ATG4A: variants seen among roughly 807,000 people sequenced by gnomAD.
The protein encoded by ATG4A is autophagy related 4A cysteine peptidase.
In ATG4A, 22 loss-of-function variants were observed where a neutral mutation model predicts 38.4. The observed-to-expected ratio is 0.57, with a 90% CI of 0.41 to 0.82. The LOEUF (loss-of-function observed/expected upper bound fraction) is 0.82. Among genes scored for constraint, ATG4A ranks in the 40% least tolerant of loss-of-function variants. The pLI, the probability that ATG4A is intolerant of heterozygous loss-of-function variation, is 0.00. For missense variants in ATG4A, 220 were observed against 290.0 expected (o/e 0.76, Z 1.75); for synonymous variants, 86 against 100.7 (o/e 0.85, Z 0.88).
chrX:108,147,249 G>A (rs2148027079), intron 9 of ATG4A, among the ~76,000 whole-genome samples: 1 of 111,631 alleles, frequency 9.0e-6, no homozygotes, highest in African/African-American at 3.3e-5. Context: ...TCAGTCAAAG[G>A]TGGAAAGGCT....
chrX:108,133,822 T>C (rs2033026561), intron 4 of ATG4A, among the ~76,000 whole-genome samples: 1 of 112,142 alleles, frequency 8.9e-6, no homozygotes, highest in Non-Finnish European at 1.9e-5. Context: ...GTCAGTTCCT[T>C]GGTCAACTTT....
In ATG4A at chrX:108,103,549, G is replaced by T. The variant is rs571909531; in HGVS notation, c.10+11713G>T. 2.2e-4 allele frequency among the ~76,000 whole-genome samples: 24 copies of T among 111,309 alleles called. No individual in the cohort carries two copies. In the South Asian group the frequency reaches 8.7e-3, roughly 40 times the overall value. On this transcript the variant is annotated intron_variant, in intron 1 of 12. Coordinates refer to ENST00000372232, the MANE Select transcript of ATG4A (RefSeq NM_052936.5). Reference sequence around the variant, plus strand: ...TTGTTTTCTGTCTTGTAGCTTTTTTGTCCTTCCTTTTCTTTCTTTCTCTTT... The same window carrying T: ...TTGTTTTCTGTCTTGTAGCTTTTTTTTCCTTCCTTTTCTTTCTTTCTCTTT...
chrX:108,140,835 A>G (rs959031549), intron 9 of ATG4A, among the ~76,000 whole-genome samples: 1 of 97,959 alleles, frequency 1.0e-5, no homozygotes, highest in African/African-American at 3.7e-5. Context: ...TTACATATAC[A>G]TACACAAAGT....
intron 1 of ATG4A, among the ~76,000 whole-genome samples, chrX:108,121,699 C>A (rs989959182): frequency 8.9e-6 from 1 of 111,819 alleles, no homozygotes; most frequent in African/African-American, 3.3e-5. Flanking sequence ...CCTTTTCTTT[C>A]CCTGTCTTCC....
chrX:108,122,337 A>AT (rs1422717213), intron 1 of ATG4A, among the ~76,000 whole-genome samples: 3 of 112,304 alleles, frequency 2.7e-5, no homozygotes, highest in Non-Finnish European at 5.6e-5. Context: ...TCTCTCCATA[A>AT]TAGCAATGAA....
intron 6 of ATG4A, among the ~76,000 whole-genome samples, chrX:108,135,589 C>T (rs1452940708): frequency 9.0e-6 from 1 of 111,466 alleles, no homozygotes; most frequent in Admixed American, 9.5e-5. Flanking sequence ...TTCTGGGCAT[C>T]GCTGACTCTG....
At chrX:108,122,613 A>G (rs1189645161) in intron 1 of ATG4A, among the ~76,000 whole-genome samples, 1 of 111,810 alleles carries the variant, frequency 8.9e-6, no homozygotes, top group Admixed American at 9.5e-5. Context: ...TCATTTCTAG[A>G]GAATTGTCAT....
At position 108,111,890 on chromosome X, in the gene ATG4A, TG is replaced by T. The variant is rs757298255; in HGVS notation, c.11-14185del. 7.0e-4 allele frequency among the ~76,000 whole-genome samples: 79 copies of T among 112,105 alleles called. 1 individual carries two copies. The South Asian group carries it at 0.029, about 41-fold the overall frequency. On this transcript the variant is annotated intron_variant, in intron 1 of 12. Coordinates refer to ENST00000372232, the MANE Select transcript of ATG4A (RefSeq NM_052936.5). Reference sequence around the variant, plus strand: ...CATGGTCTTGCTTTGTTGCTCAGACTGGTCTCAAACTCCTGGCCTCAAGCAG... The same window carrying T: ...CATGGTCTTGCTTTGTTGCTCAGACTGTCTCAAACTCCTGGCCTCAAGCAG...
At chrX:108,098,447 T>C (rs1370217684) in intron 1 of ATG4A, among the ~76,000 whole-genome samples, 1 of 111,895 alleles carries the variant, frequency 8.9e-6, no homozygotes, top group Non-Finnish European at 1.9e-5. Context: ...ATAATCTTCA[T>C]CTGAGTTACT....
At chrX:108,109,772 A>G (rs1160339873) in intron 1 of ATG4A, among the ~76,000 whole-genome samples, 3 of 111,908 alleles carry the variant, frequency 2.7e-5, no homozygotes. Flanking sequence ...CCTGTTGAAG[A>G]TCATTTGAAT....
At chrX:108,105,778 C>T (rs901907402) in intron 1 of ATG4A, among the ~76,000 whole-genome samples, 1 of 111,285 alleles carries the variant, frequency 9.0e-6, no homozygotes, top group Non-Finnish European at 1.9e-5. Context: ...TTGAGCAGCC[C>T]TCCAAAAACA....
intron 1 of ATG4A, among the ~76,000 whole-genome samples, chrX:108,102,023 A>G (rs771281226): frequency 8.6e-4 from 96 of 111,530 alleles, no homozygotes; most frequent in African/African-American, 2.9e-3. Context: ...TAATACTGCA[A>G]TGAACATAGG....
intron 1 of ATG4A, among the ~76,000 whole-genome samples, chrX:108,099,594 C>T (rs1393367093): frequency 9.0e-6 from 1 of 111,644 alleles, no homozygotes; most frequent in Non-Finnish European, 1.9e-5. Flanking sequence ...CAAATATTTT[C>T]TCCTAGATTT....
intron 9 of ATG4A, among the ~76,000 whole-genome samples, chrX:108,145,636 C>A (rs765829361): frequency 1.8e-5 from 2 of 112,394 alleles, no homozygotes; most frequent in East Asian, 5.6e-4. Flanking sequence ...CTTTCAGGTC[C>A]TTGATGGTGG....
chrX:108,090,598 A>G (rs1301298043), upstream of ATG4A, among the ~76,000 whole-genome samples: 1 of 112,036 alleles, frequency 8.9e-6, no homozygotes, highest in African/African-American at 3.2e-5. Flanking sequence ...CACAAAATGG[A>G]GATCTGTAAG....
At chrX:108,127,647 T>C (rs1300613156) in intron 2 of ATG4A, among the ~76,000 whole-genome samples, 1 of 111,960 alleles carries the variant, frequency 8.9e-6, no homozygotes, top group Non-Finnish European at 1.9e-5. Flanking sequence ...CACCGGGGCA[T>C]GGAAGGGAGG....
Position 108,128,978 on chromosome X carries a change from A to C in ATG4A, c.193+126A>C, listed in dbSNP as rs1007481473. 5 of 398,207 alleles carry C rather than the reference A, an allele frequency of 1.3e-5. No individual in the cohort carries two copies. The South Asian group carries it at 3.3e-4, about 26-fold the overall frequency. 32.8% of individuals were successfully genotyped at this position (398,207 alleles called of 1,213,427 possible). Reference sequence around the variant, plus strand: ...AGCAAAGAATTTGATTGAGGAGACTAGGTAAATCTTACACTTCATCCAAAA... The same window carrying C: ...AGCAAAGAATTTGATTGAGGAGACTCGGTAAATCTTACACTTCATCCAAAA... On this transcript the variant is annotated intron_variant, in intron 3 of 12. Coordinates refer to ENST00000372232, the MANE Select transcript of ATG4A (RefSeq NM_052936.5).
At position 108,152,626 on chromosome X, in the gene ATG4A, A is replaced by C. The variant is rs141282751; in HGVS notation, c.1018-353A>C. On this transcript the variant is annotated intron_variant, in intron 11 of 12. Transcript: ENST00000372232. ...AGCAATAGTCTCTTGGGGCAGATTT[A>C]ATTTCACTAACTGACATTTCTTTGG... 2.8e-3 allele frequency among the ~76,000 whole-genome samples: 317 copies of C among 111,976 alleles called. 1 individual carries two copies. The highest frequency in any genetic ancestry group is 0.01 in the African/African-American group (309 of 30,866).
At chrX:108,136,644 A>G (rs1258150086) in intron 6 of ATG4A, among the ~76,000 whole-genome samples, 1 of 112,023 alleles carries the variant, frequency 8.9e-6, no homozygotes, top group Non-Finnish European at 1.9e-5. Flanking sequence ...CATATTATCT[A>G]TGATCCCAAA....
Sources: gnomAD v4.1 joint callset for allele counts (sites outside exome capture counted in the v4.1 genomes callset) on GRCh38, gnomAD v4.1.1 for gene constraint, MANE v1.5 for transcripts, NCBI Gene and HGNC (gene_info 2026-07-23, HGNC 2026-07-21) for gene names.